The following SPATA6 variants were observed in gnomAD, a reference collection of about 807,000 sequenced individuals.
The protein encoded by SPATA6 is spermatogenesis-associated protein 6.
Under a neutral mutation model 65.3 loss-of-function variants are expected in SPATA6, and 56 were observed. The ratio of observed to expected loss-of-function variants is 0.86; its 90% CI spans 0.69 to 1.07. The LOEUF (loss-of-function observed/expected upper bound fraction) is 1.07. Ranked by LOEUF, SPATA6 falls within the 50% of genes least tolerant of loss-of-function variation. The pLI, the probability that SPATA6 is intolerant of heterozygous loss-of-function variation, is 0.00. For synonymous variants in SPATA6, 199 were observed against 213.2 expected, an observed-to-expected ratio of 0.93 and a Z score of 0.58; for missense variants, 590 against 594.8, an observed-to-expected ratio of 0.99 and a Z score of 0.08.
intron 3 of SPATA6, among the ~76,000 whole-genome samples, chr1:48,426,165 A>G (rs1301089230): frequency 6.6e-6 from 1 of 152,206 alleles, no homozygotes; most frequent in Non-Finnish European, 1.5e-5. Flanking sequence ...AAAAACGGGC[A>G]AAAGACAGGC....
chr1:48,400,402 T>C (rs568323548), intron 6 of SPATA6, among the ~76,000 whole-genome samples: 1 of 152,136 alleles, frequency 6.6e-6, no homozygotes, highest in Non-Finnish European at 1.5e-5. Context: ...ATTATTAGAA[T>C]AACATCTTAT....
chr1:48,365,802 T>C (rs569761717), intron 9 of SPATA6, among the ~76,000 whole-genome samples: 36 of 152,318 alleles, frequency 2.4e-4, no homozygotes, highest in African/African-American at 8.2e-4. Flanking sequence ...TCCTGCCTAA[T>C]TGCCCTGGCC....
the SPATA6 span, among the ~76,000 whole-genome samples, chr1:48,282,416 A>C: frequency 2.0e-5 from 3 of 152,206 alleles, no homozygotes; most frequent in African/African-American, 7.2e-5. Flanking sequence ...AATGGGAGAA[A>C]ATTTTCACAA....
At chr1:48,381,648 C>CTTTTTTT (rs36045284) in intron 9 of SPATA6, among the ~76,000 whole-genome samples, 2 of 112,360 alleles carry the variant, frequency 1.8e-5, no homozygotes, top group South Asian at 2.9e-4. Context: ...TATGGTTTTT[C>CTTTTTTT]TTTTTTTTTT....
intron 3 of SPATA6, chr1:48,436,862 C>T: frequency 1.2e-6 from 2 of 1,612,420 alleles, no homozygotes; most frequent in South Asian, 2.2e-5. Flanking sequence ...CAATCAGAAT[C>T]CAGAATGAAA....
chr1:48,291,879 GCCA>G (rs1462422989), downstream of SPATA6, among the ~76,000 whole-genome samples: 1 of 152,156 alleles, frequency 6.6e-6, no homozygotes, highest in Non-Finnish European at 1.5e-5. Flanking sequence ...CTGCCTCCTA[GCCA>G]CCATTTTCCC....
chr1:48,317,912 A>T (rs1431243737), intron 11 of SPATA6, among the ~76,000 whole-genome samples: 1 of 152,208 alleles, frequency 6.6e-6, no homozygotes, highest in Non-Finnish European at 1.5e-5. Context: ...TTCTCAGTAA[A>T]ATACTAGCAA....
the SPATA6 span, among the ~76,000 whole-genome samples, chr1:48,275,914 G>A: frequency 6.6e-6 from 1 of 152,132 alleles, no homozygotes; most frequent in African/African-American, 2.4e-5. Flanking sequence ...AATGGTACCA[G>A]CTCCTCTTTG....
At chr1:48,292,110 T>C (rs1009503061), downstream of SPATA6, among the ~76,000 whole-genome samples, 1 of 152,214 alleles carries the variant, frequency 6.6e-6, no homozygotes, top group Non-Finnish European at 1.5e-5. Flanking sequence ...GGTGGTGTCA[T>C]AGTTTTCTGA....
At chr1:48,385,184 ATT>A in intron 9 of SPATA6, 123 bp downstream of exon 9, 1 of 835,644 alleles carries the variant, frequency 1.2e-6, no homozygotes, top group Non-Finnish European at 1.7e-6. Flanking sequence ...TATGACAATT[ATT>A]GTTTTTACAT....
At chr1:48,406,897 A>G (rs1373495477) in intron 5 of SPATA6, among the ~76,000 whole-genome samples, 1 of 152,212 alleles carries the variant, frequency 6.6e-6, no homozygotes, top group Non-Finnish European at 1.5e-5. Context: ...TCCTTGCCAT[A>G]GTAAAGGCTT....
the SPATA6 span, among the ~76,000 whole-genome samples, chr1:48,286,545 C>CT: frequency 1.3e-5 from 2 of 152,186 alleles, no homozygotes; most frequent in African/African-American, 4.8e-5. Flanking sequence ...ATTCTATCAG[C>CT]TTTTTTGTAG....
chr1:48,438,364 C>G (rs1655140981), intron 3 of SPATA6, among the ~76,000 whole-genome samples: 1 of 152,138 alleles, frequency 6.6e-6, no homozygotes, highest in South Asian at 2.1e-4. Flanking sequence ...GGCTAAATAC[C>G]AGGCACCTGT....
At chr1:48,372,728 A>T (rs551910690) in intron 9 of SPATA6, among the ~76,000 whole-genome samples, 1 of 152,242 alleles carries the variant, frequency 6.6e-6, no homozygotes, top group East Asian at 1.9e-4. Flanking sequence ...GTTTCCATAC[A>T]TCTTCTGAAA....
At chr1:48,305,461 G>C (rs1645037949) in intron 12 of SPATA6, among the ~76,000 whole-genome samples, 1 of 152,004 alleles carries the variant, frequency 6.6e-6, no homozygotes, top group Admixed American at 6.6e-5. Flanking sequence ...TACAGAATTT[G>C]ATCTCAAATT....
intron 3 of SPATA6, among the ~76,000 whole-genome samples, chr1:48,419,732 T>TA (rs1408532125): frequency 6.6e-6 from 1 of 152,180 alleles, no homozygotes; most frequent in Non-Finnish European, 1.5e-5. Flanking sequence ...AAATGGGAAG[T>TA]AATCATCTCT....
Position 48,399,371 on chromosome 1 carries a change from G to T in SPATA6, c.760C>A (p.Pro254Thr). 1 of 1,612,642 alleles carries T rather than the reference G, an allele frequency of 6.2e-7. No individual in the cohort carries two copies. The highest frequency in any genetic ancestry group is 8.5e-7 in the Non-Finnish European group (1 of 1,179,210). The change falls in exon 7 of 13, where the codon CCT becomes ACT. Residue 254 changes from proline to threonine, a missense_variant. Pro to Thr is a conservative substitution (Grantham distance 38, BLOSUM62 -1). Coordinates refer to ENST00000371847, the MANE Select transcript of SPATA6 (RefSeq NM_019073.4). Reference protein sequence around the residue: ...PYEFKKETDKPPFVIRHVDPP... With the variant: ...PYEFKKETDKTPFVIRHVDPP... ...CATACATGTCTAATCACAAATGGAG[G>T]TTTATCTGTTTCTTTTTTGAACTCA...
chr1:48,446,223 C>CAG (rs1299012553), intron 3 of SPATA6, among the ~76,000 whole-genome samples: 1 of 152,174 alleles, frequency 6.6e-6, no homozygotes, highest in Non-Finnish European at 1.5e-5. Flanking sequence ...GGAGAGGGTA[C>CAG]AGTCTGGGCT....
the SPATA6 span, among the ~76,000 whole-genome samples, chr1:48,281,966 G>A: frequency 1.3e-5 from 2 of 152,050 alleles, no homozygotes; most frequent in African/African-American, 4.8e-5. Flanking sequence ...AAACAGCATG[G>A]TACTGGTACC....
Sources: allele counts gnomAD v4.1 joint callset (sites outside exome capture counted in the v4.1 genomes callset), GRCh38; gene constraint gnomAD v4.1.1; transcripts MANE v1.5; gene names NCBI Gene and HGNC (gene_info 2026-07-23, HGNC 2026-07-21).